SLC66A2: variants seen among roughly 807,000 people sequenced by gnomAD.
SLC66A2 encodes the protein PQ loop repeat containing 1.
In SLC66A2, 23 loss-of-function variants were observed where a neutral mutation model predicts 25.5. That is an observed-to-expected ratio of 0.90 (90% CI 0.65 to 1.28). SLC66A2 has a LOEUF of 1.28. Among genes scored for constraint, SLC66A2 ranks in the 50% most tolerant of loss-of-function variants. The probability of loss-of-function intolerance (pLI) is 0.00; values close to 1 mark genes in which losing one functional copy is unlikely to be tolerated. For synonymous variants in SLC66A2, 193 were observed against 166.5 expected (o/e 1.16, Z -1.23); for missense variants, 396 against 373.1 (o/e 1.06, Z -0.51).
In SLC66A2 at chr18:79,940,997, C is replaced by T. The variant is rs989886434; in HGVS notation, c.337+2332G>A. ...GAGCCCGGCCCCCTACCCCTCGTGG[C>T]GGCCCTGGACTGCTTCCCAAATACT... On this transcript the variant is annotated intron_variant, in intron 3 of 5. Coordinates refer to ENST00000397778, the MANE Select transcript of SLC66A2 (RefSeq NM_025078.5). The surrounding 1 kb of genome is among the most constrained non-coding windows in gnomAD (Gnocchi z 4.1). Among the ~76,000 whole-genome samples the T allele has an allele frequency of 3.3e-5, 5 of 152,060 alleles. No individual in the cohort carries two copies. The highest frequency in any genetic ancestry group is 1.9e-4 in the East Asian group (1 of 5,174).
rs1981439296 is a variant in SLC66A2 at position 79,902,982 on chromosome 18, GCCAAAAGC to G, written c.*986_*993del. On this transcript the variant is annotated 3_prime_UTR_variant, in exon 6 of 6. Coordinates refer to ENST00000397778, the MANE Select transcript of SLC66A2 (RefSeq NM_025078.5). ...CCCCCCACTCAGGAATTTGCTTCAG[GCCAAAAGC>G]CCAGGGCAGCAGGGTAAGGCGCCAT... The G allele has an allele frequency of 6.5e-6, 1 of 153,258 alleles. No individual in the cohort carries two copies. The highest frequency in any genetic ancestry group is 6.5e-5 in the Admixed American group (1 of 15,296). 9.5% of individuals were successfully genotyped at this position (153,258 alleles called of 1,614,324 possible). A position where few individuals can be genotyped will look rare whatever the true frequency, so the allele number is the denominator to read the frequency against.
intron 4 of SLC66A2, among the ~76,000 whole-genome samples, chr18:79,922,782 CGG>C (rs1985404366): frequency 2.5e-5 from 3 of 118,748 alleles, no homozygotes; most frequent in African/African-American, 9.2e-5. Flanking sequence ...TGATGGGAGG[CGG>C]TGAGGTCGAG....
intron 2 of SLC66A2, among the ~76,000 whole-genome samples, chr18:79,945,488 A>G (rs1290932740): frequency 2.0e-5 from 3 of 152,172 alleles, no homozygotes; most frequent in African/African-American, 7.2e-5. Flanking sequence ...CACCCAGGTC[A>G]GCAGGGGCCA....
intron 5 of SLC66A2, among the ~76,000 whole-genome samples, chr18:79,916,176 GTACCCTCCCA>G (rs1250344249): frequency 5.5e-5 from 3 of 54,222 alleles, no homozygotes; most frequent in East Asian, 9.6e-4. Flanking sequence ...CAGTGCTCCC[GTACCCTCCCA>G]TACCCACGGT....
In SLC66A2 at chr18:79,951,025, C is replaced by A; in HGVS notation, c.-99G>T. The A allele has an allele frequency of 1.1e-6, 1 of 924,032 alleles. No homozygotes were observed. 57.2% of individuals were successfully genotyped at this position (924,032 alleles called of 1,614,324 possible). A position where few individuals can be genotyped will look rare whatever the true frequency, so the allele number is the denominator to read the frequency against. ...TCCGCGCGCTCCTGCGGCCTCGGGG[C>A]CTGCGGGGAGCGGGGAGCTGCTCGA... On this transcript the variant is annotated splice_region_variant and 5_prime_UTR_variant, in exon 2 of 6. Transcript: ENST00000397778.
intron 4 of SLC66A2, among the ~76,000 whole-genome samples, chr18:79,926,029 G>T (rs1202121166): frequency 1.3e-5 from 2 of 152,210 alleles, no homozygotes; most frequent in Non-Finnish European, 1.5e-5. Flanking sequence ...GGCCACAAGA[G>T]TGACCTCTGG....
chr18:79,925,090 G>C (rs1015618944), intron 4 of SLC66A2: 1 of 152,276 alleles, frequency 6.6e-6, no homozygotes, highest in African/African-American at 2.4e-5. Context: ...GCACTTCTGA[G>C]ACATTCCTGT....
At chr18:79,909,580 A>ACCATCTCACCAGAGTCCCCAGCCTTCC (rs1461956399) in intron 5 of SLC66A2, among the ~76,000 whole-genome samples, 38 of 119,860 alleles carry the variant, frequency 3.2e-4, no homozygotes, top group African/African-American at 1.2e-3. Flanking sequence ...AGCCTTCCCC[A>ACCATCTCACCAGAGTCCCCAGCCTTCC]CCATCTCACC....
intron 2 of SLC66A2, 52 bp downstream of exon 2, chr18:79,950,672 G>A: frequency 1.3e-6 from 2 of 1,593,970 alleles, no homozygotes; most frequent in Non-Finnish European, 1.7e-6. Flanking sequence ...AAACCCCAAA[G>A]GAGAAACCCT....
chr18:79,913,714 ATTCTTGAGTCACTTCCTATCAAAC>A (rs1983577941), intron 5 of SLC66A2, among the ~76,000 whole-genome samples: 1 of 152,190 alleles, frequency 6.6e-6, no homozygotes, highest in African/African-American at 2.4e-5. Flanking sequence ...CAACTCGGGA[ATTCTTGAGTCACTTCCTATCAAAC>A]ATCCTAGAGA....
At position 79,904,608 on chromosome 18, in the gene SLC66A2, C is replaced by T. The variant is rs571105438; in HGVS notation, c.609-425G>A. Among the ~76,000 whole-genome samples the T allele has an allele frequency of 5.3e-5, 8 of 152,188 alleles. No homozygotes were observed. The South Asian group carries it at 8.3e-4, about 16-fold the overall frequency. Reference sequence around the variant, plus strand: ...GCGCGGTGGCAATTCTGGGAGGGGCCGGGCCTGGGAGGGTGCTGAGGACGC... The same window carrying T: ...GCGCGGTGGCAATTCTGGGAGGGGCTGGGCCTGGGAGGGTGCTGAGGACGC... On this transcript the variant is annotated intron_variant, in intron 5 of 5. Coordinates refer to ENST00000397778, the MANE Select transcript of SLC66A2 (RefSeq NM_025078.5). The surrounding 1 kb of genome is among the most constrained non-coding windows in gnomAD (Gnocchi z 6.3).
chr18:79,950,049 T>C (rs1224961173), intron 2 of SLC66A2, among the ~76,000 whole-genome samples: 2 of 151,790 alleles, frequency 1.3e-5, no homozygotes, highest in African/African-American at 4.8e-5. Flanking sequence ...GACTTCCTAT[T>C]TAAATAAGGC....
intron 4 of SLC66A2, among the ~76,000 whole-genome samples, chr18:79,933,391 C>T (rs1986761392): frequency 6.6e-6 from 1 of 152,092 alleles, no homozygotes. Flanking sequence ...TAGGTGCATC[C>T]ACTCTCACCG....
At chr18:79,916,245 GGTGCTCTCATAGCCGCA>G (rs150806378) in intron 5 of SLC66A2, among the ~76,000 whole-genome samples, 26,898 of 77,030 alleles carry the variant, frequency 0.35, 5,808 homozygotes, top group East Asian at 0.55. Flanking sequence ...CCGTACCCGT[GGTGCTCTCATAGCCGCA>G]GTGCTCCCGT....
intron 2 of SLC66A2, among the ~76,000 whole-genome samples, chr18:79,948,177 C>T (rs747991217): frequency 2.0e-5 from 3 of 152,204 alleles, no homozygotes; most frequent in Admixed American, 6.5e-5. Flanking sequence ...CTGCCCTGTG[C>T]TCCACAAAGA....
intron 5 of SLC66A2, among the ~76,000 whole-genome samples, chr18:79,907,068 T>C (rs529468597): frequency 1.6e-4 from 24 of 152,378 alleles, no homozygotes; most frequent in Non-Finnish European, 3.1e-4. Flanking sequence ...CAGACTTCAA[T>C]TGAGTTTGCT....
chr18:79,951,229 C>T (rs2051114459), intron 1 of SLC66A2, among the ~76,000 whole-genome samples: 1 of 151,700 alleles, frequency 6.6e-6, no homozygotes, highest in African/African-American at 2.4e-5. Flanking sequence ...GGGAGGGGTC[C>T]CAGCGCCGGG....
In SLC66A2 at chr18:79,941,109, T is replaced by C. The variant is rs1268901953; in HGVS notation, c.337+2220A>G. The stretch of plus-strand genomic sequence containing the variant: ...TGGCAGCCACAATGCAGGCTGATTA[T>C]CTTAATTCTGGAGGCCAGAGGCCCA... On this transcript the variant is annotated intron_variant, in intron 3 of 5. Transcript: ENST00000397778. This position sits in a 1 kb window ranked among gnomAD's most constrained non-coding sequence, Gnocchi z 4.1. Among the ~76,000 whole-genome samples, 1 of 152,172 alleles carries C rather than the reference T, an allele frequency of 6.6e-6. No homozygotes were observed. The highest frequency in any genetic ancestry group is 2.4e-5 in the African/African-American group (1 of 41,430).
Position 79,904,236 on chromosome 18 carries a change from C to T in SLC66A2, c.609-53G>A, listed in dbSNP as rs1004007531. 2.0e-6 allele frequency: 3 copies of T among 1,528,394 alleles called. No individual in the cohort carries two copies. The highest frequency in any genetic ancestry group is 2.3e-5 in the East Asian group (1 of 44,074). 94.7% of individuals were successfully genotyped at this position (1,528,394 alleles called of 1,614,324 possible). ...GGTGGGGAGGGCGGCGACCTGGGCTCAGTCAGTGGGGAGGCCTGGGGCTTA... is the reference window on the plus strand; with the variant it reads ...GGTGGGGAGGGCGGCGACCTGGGCTTAGTCAGTGGGGAGGCCTGGGGCTTA... On this transcript the variant is annotated intron_variant, in intron 5 of 5. Transcript: ENST00000397778. This position sits in a 1 kb window ranked among gnomAD's most constrained non-coding sequence, Gnocchi z 6.3.
Sources: gnomAD v4.1 joint callset for allele counts (sites outside exome capture counted in the v4.1 genomes callset) on GRCh38, gnomAD v4.1.1 for gene constraint, Gnocchi (gnomAD v3.1) non-coding constraint, MANE v1.5 for transcripts, NCBI Gene and HGNC (gene_info 2026-07-23, HGNC 2026-07-21) for gene names.